The following ZNF461 variants were observed in gnomAD, a reference collection of about 807,000 sequenced individuals.
ZNF461 encodes zinc finger protein 461, also known as gonadotropin-inducible ovarian transcription factor-1.
ZNF461 carries 16 observed loss-of-function variants against 18.3 expected under a neutral mutation model. The observed-to-expected ratio is 0.88, with a 90% CI of 0.59 to 1.33. The LOEUF is 1.33. Ranked by LOEUF, ZNF461 falls within the 40% of genes most tolerant of loss-of-function variation. ZNF461 has a pLI of 0.00. For synonymous variants in ZNF461, 179 were observed against 216.9 expected (o/e 0.83, Z 1.54); for missense variants, 595 against 669.9 (o/e 0.89, Z 1.23).
At chr19:36,664,917 A>G (rs2037878427) in intron 1 of ZNF461, 131 bp from the exon 2 acceptor site, 1 of 381,198 alleles carries the variant, frequency 2.6e-6, no homozygotes. Context: ...ACATACATAA[A>G]TTATTAGTGG....
rs1167095143 is a variant in ZNF461, at chr19:36,638,450, T to A, written c.*203A>T. 3.8e-5 allele frequency: 15 copies of A among 396,722 alleles called. No individual in the cohort carries two copies. The highest frequency in any genetic ancestry group is 6.2e-5 in the Non-Finnish European group (14 of 226,128). 24.6% of individuals were successfully genotyped at this position (396,722 alleles called of 1,614,324 possible). A position where few individuals can be genotyped will look rare whatever the true frequency, so the allele number is the denominator to read the frequency against. ...AGAAAATTTATTCTCAATAAAAAAA[T>A]TTATTCTCAATAATGGTTAATACAA... On this transcript the variant is annotated 3_prime_UTR_variant, in exon 6 of 6. Transcript: ENST00000588268.
At chr19:36,640,639 A>G (rs2037407891) in intron 5 of ZNF461, among the ~76,000 whole-genome samples, 1 of 152,136 alleles carries the variant, frequency 6.6e-6, no homozygotes, top group South Asian at 2.1e-4. Flanking sequence ...CACGCCCTAT[A>G]TTGCCTGTTT....
intron 4 of ZNF461, chr19:36,645,318 C>G (rs910457439): frequency 3.9e-5 from 6 of 152,080 alleles, no homozygotes; most frequent in African/African-American, 1.4e-4. Flanking sequence ...GAGGGTAGAT[C>G]TCATGTAAAG....
intron 2 of ZNF461, among the ~76,000 whole-genome samples, chr19:36,662,800 G>A (rs59338467): frequency 1.6e-3 from 249 of 152,120 alleles, no homozygotes; most frequent in African/African-American, 5.9e-3. Context: ...TGTGGCCTCA[G>A]ATTTTGTCAT....
intron 5 of ZNF461, among the ~76,000 whole-genome samples, chr19:36,642,723 C>A (rs1600415619): frequency 7.7e-6 from 1 of 129,968 alleles, no homozygotes; most frequent in African/African-American, 3.0e-5. Context: ...CACAGAAGCA[C>A]AGAAGTGGCA....
intron 2 of ZNF461, among the ~76,000 whole-genome samples, chr19:36,659,178 C>G (rs2145410782): frequency 6.6e-6 from 1 of 152,292 alleles, no homozygotes; most frequent in Admixed American, 6.5e-5. Context: ...GGAACCAAGC[C>G]TCCCCAAACA....
chr19:36,657,182 A>T lies in ZNF461; in HGVS notation c.137-639T>A, dbSNP rs1383312428. Among the ~76,000 whole-genome samples, 5 of 151,680 alleles carry T rather than the reference A, an allele frequency of 3.3e-5. No individual in the cohort carries two copies. The East Asian group carries it at 9.7e-4, about 29-fold the overall frequency. Reference sequence around the variant, plus strand: ...TAAAAATAACTTCCAAAGGCAAATCACTTAAAAGAGAGTACAGGTCAGGCG... The same window carrying T: ...TAAAAATAACTTCCAAAGGCAAATCTCTTAAAAGAGAGTACAGGTCAGGCG... On this transcript the variant is annotated intron_variant, in intron 3 of 5. Coordinates refer to ENST00000588268, the MANE Select transcript of ZNF461 (RefSeq NM_153257.5).
At chr19:36,651,807 T>C (rs1362664435) in intron 4 of ZNF461, among the ~76,000 whole-genome samples, 1 of 152,228 alleles carries the variant, frequency 6.6e-6, no homozygotes, top group East Asian at 1.9e-4. Context: ...AGCAAATTTT[T>C]TGTAGATACA....
chr19:36,639,106 A>G lies in ZNF461; in HGVS notation c.1239T>C (p.Tyr413=). 1 of 1,613,684 alleles carries G rather than the reference A, an allele frequency of 6.2e-7. No individual in the cohort carries two copies. Among genetic ancestry groups the G allele is most frequent in the Non-Finnish European group, 8.5e-7 (1 of 1,179,952 alleles). ...AAGCCTTCCCACATTCATGACATTC[A>G]TAAGGTTTCTTGCCAGAATGAATTT... The part of the protein sequence containing the change: ...HQKIHSGKKP[Y]ECHECGKAFC... Residue 413 remains tyrosine, a synonymous_variant, in exon 6 of 6, where the codon TAT becomes TAC. Transcript: ENST00000588268.
chr19:36,652,265 G>A (rs1181305640), intron 4 of ZNF461, among the ~76,000 whole-genome samples: 1 of 151,884 alleles, frequency 6.6e-6, no homozygotes. Context: ...GTGGAGGCAG[G>A]CAGATCGCCT....
chr19:36,655,543 G>A (rs917298131), intron 4 of ZNF461, among the ~76,000 whole-genome samples: 11 of 152,286 alleles, frequency 7.2e-5, no homozygotes, highest in Non-Finnish European at 1.3e-4. Context: ...AGGTTGCAGT[G>A]AGCTGAGTTT....
Position 36,638,847 on chromosome 19 carries a change from T to C in ZNF461, c.1498A>G (p.Lys500Glu). ...IHTGEKPYEC[K>E]ECGKAFSYHS... ...TAGCTAAAGGCCTTCCCACATTCCT[T>C]ACATTCATAGGGTTTCTCACCAGTA... The change falls in exon 6 of 6, where the codon AAG becomes GAG. Residue 500 changes from lysine (K) to glutamate (E), a missense_variant. Transcript: ENST00000588268. 1 of 1,610,384 alleles carries C rather than the reference T, an allele frequency of 6.2e-7. No individual in the cohort carries two copies. Among genetic ancestry groups the C allele is most frequent in the South Asian group, 1.1e-5 (1 of 90,870 alleles).
Position 36,637,975 on chromosome 19 carries a change from G to A in ZNF461, c.*678C>T, listed in dbSNP as rs773134320. On this transcript the variant is annotated 3_prime_UTR_variant, in exon 6 of 6. Coordinates refer to ENST00000588268, the MANE Select transcript of ZNF461 (RefSeq NM_153257.5). ...GAAGATTTTAAAAAATAAATGTAAT[G>A]TCAAAATATATACGCCAGATACTCT... is the stretch of plus-strand genomic sequence containing the variant. 3.3e-6 allele frequency: 1 copy of A among 306,266 alleles called. No homozygotes were observed. Among genetic ancestry groups the A allele is most frequent in the Non-Finnish European group, 6.4e-6 (1 of 156,746 alleles). The allele number at this position is 306,266 out of a possible 1,614,324, so 19.0% of individuals were successfully genotyped here. A position where few individuals can be genotyped will look rare whatever the true frequency, so the allele number is the denominator to read the frequency against.
In ZNF461 at chr19:36,643,817, T is replaced by C. The variant is rs1304390875; in HGVS notation, c.278A>G (p.Asn93Ser). Reference protein sequence around the residue: ...WGFHNNFLDNNEATDINADLA... With the variant: ...WGFHNNFLDNSEATDINADLA... ...ACCTGCATTTATGTCTGTAGCCTCA[T>C]TATTGTCCAAGAAATTATTGTGAAA... is the stretch of plus-strand genomic sequence containing the variant. Residue 93 changes from asparagine to serine, a missense_variant, in exon 5 of 6, where the codon AAT becomes AGT. Asn to Ser is a conservative substitution (Grantham distance 46). Transcript: ENST00000588268. 5 of 1,542,102 alleles carry C rather than the reference T, an allele frequency of 3.2e-6. No homozygotes were observed. The Admixed American group carries it at 9.9e-5, about 31-fold the overall frequency.
rs553390667 is a variant in ZNF461 at position 36,636,984 on chromosome 19, A to G, written c.*1669T>C. 2.0e-5 allele frequency among the ~76,000 whole-genome samples: 3 copies of G among 152,258 alleles called. No individual in the cohort carries two copies. The highest frequency in any genetic ancestry group is 3.9e-4 in the East Asian group (2 of 5,156). On this transcript the variant is annotated 3_prime_UTR_variant, in exon 6 of 6. Transcript: ENST00000588268. Reference sequence around the variant, plus strand: ...CTCTGGTCATAGGAACGTGATGGCAATTAGGAGGCTTTCCTCCTCAGAGGC... The same window carrying G: ...CTCTGGTCATAGGAACGTGATGGCAGTTAGGAGGCTTTCCTCCTCAGAGGC...
chr19:36,637,371 A>AT lies in ZNF461; in HGVS notation c.*1281dup, dbSNP rs892384956. ...ACCACCACGCCCAGCTAATTTTTGT[A>AT]TTTTTTTTTTAGTAGAGACGGGGTT... On this transcript the variant is annotated 3_prime_UTR_variant, in exon 6 of 6. Coordinates refer to ENST00000588268, the MANE Select transcript of ZNF461 (RefSeq NM_153257.5). 56 of 145,176 alleles carry AT rather than the reference A, an allele frequency of 3.9e-4. No homozygotes were observed. The highest frequency in any genetic ancestry group is 3.5e-3 in the Middle Eastern group (1 of 288). 9.0% of individuals were successfully genotyped at this position (145,176 alleles called of 1,614,324 possible).
At chr19:36,662,676 A>T (rs1196089837) in intron 2 of ZNF461, among the ~76,000 whole-genome samples, 1 of 152,202 alleles carries the variant, frequency 6.6e-6, no homozygotes, top group Non-Finnish European at 1.5e-5. Context: ...TTATTAAGAC[A>T]TAATTTATAA....
chr19:36,656,614 T>G, intron 3 of ZNF461, 71 bp from the exon 4 acceptor site: 1 of 1,224,552 alleles, frequency 8.2e-7, no homozygotes, highest in Non-Finnish European at 1.2e-6. Context: ...TAGAACTGAT[T>G]AAAATAAAAA....
intron 5 of ZNF461, among the ~76,000 whole-genome samples, chr19:36,642,319 C>T (rs1001306037): frequency 1.3e-5 from 2 of 152,154 alleles, no homozygotes; most frequent in African/African-American, 4.8e-5. Context: ...GACAGTCACA[C>T]ACTGGTCAGG....
Sources: allele counts gnomAD v4.1 joint callset (sites outside exome capture counted in the v4.1 genomes callset), GRCh38; gene constraint gnomAD v4.1.1; transcripts MANE v1.5; gene names NCBI Gene and HGNC (gene_info 2026-07-23, HGNC 2026-07-21).